The following NBPF8 variants were observed in gnomAD, a reference collection of about 807,000 sequenced individuals.
NBPF8 encodes the protein NBPF family member NBPF8.
intron 17 of NBPF8, among the ~76,000 whole-genome samples, chr1:120,459,792 G>C (rs1317240362): frequency 1.3e-5 from 2 of 152,200 alleles, no homozygotes; most frequent in Non-Finnish European, 2.9e-5. Context: ...ACTCAAGGCA[G>C]GTGTGGCAAA....
At chr1:120,428,841 C>G (rs1317910353) in intron 3 of NBPF8, among the ~76,000 whole-genome samples, 4 of 151,574 alleles carry the variant, frequency 2.6e-5, no homozygotes, top group Admixed American at 2.6e-4. Context: ...ATAAACTAAC[C>G]CTTTATAATA....
At chr1:120,455,942 G>A (rs1426379442) in intron 16 of NBPF8, among the ~76,000 whole-genome samples, 4,559 of 152,148 alleles carry the variant, frequency 0.03, 247 homozygotes, top group African/African-American at 0.1. Flanking sequence ...TGCTTTAAAT[G>A]TGTCCCAGAG....
upstream of NBPF8, among the ~76,000 whole-genome samples, chr1:120,419,501 C>T (rs1207262396): frequency 1.3e-5 from 2 of 151,596 alleles, no homozygotes; most frequent in African/African-American, 4.8e-5. Flanking sequence ...TTTTTTTTTC[C>T]CCCAGGCTGG....
intron 23 of NBPF8, 46 bp downstream of exon 21, chr1:120,464,594 A>G: frequency 3.8e-6 from 3 of 790,886 alleles, no homozygotes; most frequent in Non-Finnish European, 6.9e-6. Flanking sequence ...TGAGTCTTCC[A>G]TATAAAGATC....
At chr1:120,415,905 C>A (rs1660425381), upstream of NBPF8, among the ~76,000 whole-genome samples, 1 of 152,194 alleles carries the variant, frequency 6.6e-6, no homozygotes, top group African/African-American at 2.4e-5. Context: ...CTTGTTAGAT[C>A]TTCTCATTTG....
At chr1:120,421,398 A>C (rs1408011314) in intron 1 of NBPF8, among the ~76,000 whole-genome samples, 32 of 124,192 alleles carry the variant, frequency 2.6e-4, no homozygotes, top group African/African-American at 6.0e-4. Flanking sequence ...CTTCTCTCCC[A>C]CTCTTTTTCT....
intron 22 of NBPF8, among the ~76,000 whole-genome samples, chr1:120,464,123 CTCTCTCTCTCTGTGTGTGTG>C (rs1661666672): frequency 2.5e-5 from 1 of 40,296 alleles, no homozygotes; most frequent in African/African-American, 2.6e-4. Flanking sequence ...CGTTCTCTCT[CTCTCTCTCTCTGTGTGTGTG>C]TGTGTGTGTG....
intron 18 of NBPF8, among the ~76,000 whole-genome samples, chr1:120,460,987 T>C (rs1661570187): frequency 6.6e-6 from 1 of 151,344 alleles, no homozygotes; most frequent in African/African-American, 2.4e-5. Flanking sequence ...CTCATCAGTG[T>C]GTCACCTGAC....
chr1:120,425,176 G>A (rs1410895945), intron 1 of NBPF8, among the ~76,000 whole-genome samples: 1 of 152,100 alleles, frequency 6.6e-6, no homozygotes, highest in African/African-American at 2.4e-5. Context: ...CCCGTAAAGG[G>A]TCTGTGCTGA....
intron 15 of NBPF8, among the ~76,000 whole-genome samples, chr1:120,454,927 G>T (rs1661395431): frequency 6.8e-6 from 1 of 146,416 alleles, no homozygotes; most frequent in Non-Finnish European, 1.5e-5. Context: ...GTTGGCCAGG[G>T]TAGTCCTGAA....
At chr1:120,450,537 G>T (rs1402972153) in intron 11 of NBPF8, among the ~76,000 whole-genome samples, 1 of 152,144 alleles carries the variant, frequency 6.6e-6, no homozygotes, top group Non-Finnish European at 1.5e-5. Context: ...CAGTCTCCTA[G>T]AACATTTATT....
At chr1:120,455,893 C>T (rs1313467751) in intron 16 of NBPF8, among the ~76,000 whole-genome samples, 10 of 152,116 alleles carry the variant, frequency 6.6e-5, no homozygotes, top group Non-Finnish European at 1.3e-4. Context: ...TCTGCTTTCT[C>T]TTGTGGGCAT....
intron 1 of NBPF8, among the ~76,000 whole-genome samples, chr1:120,420,409 C>T (rs1445348420): frequency 1.5e-5 from 2 of 136,866 alleles, no homozygotes; most frequent in East Asian, 3.9e-4. Flanking sequence ...CCTTGCTCTT[C>T]CCCTCTTACC....
At chr1:120,430,799 G>T (rs1355940418) in intron 3 of NBPF8, among the ~76,000 whole-genome samples, 2 of 139,902 alleles carry the variant, frequency 1.4e-5, no homozygotes, top group Non-Finnish European at 3.1e-5. Context: ...ATTTATGTAA[G>T]GCCAGTACAC....
At chr1:120,454,325 G>A (rs1272962899) in intron 15 of NBPF8, among the ~76,000 whole-genome samples, 3 of 152,110 alleles carry the variant, frequency 2.0e-5, no homozygotes, top group Non-Finnish European at 2.9e-5. Context: ...AGGCAAGTGT[G>A]ACAATCTCAT....
exon 25 of NBPF8, chr1:120,466,068 A>G (rs1404714520): frequency 6.2e-7 from 1 of 1,611,840 alleles, no homozygotes; most frequent in Non-Finnish European, 8.5e-7. Context: ...TGTACTGTGA[A>G]CTACGTGACT....
chr1:120,462,896 A>G, exon 21 of NBPF8: 1 of 442,476 alleles, frequency 2.3e-6, no homozygotes, highest in Non-Finnish European at 3.8e-6. Flanking sequence ...TGCCTGACTT[A>G]GGCCAGCCCT....
At chr1:120,460,453 A>G (rs1449767758) in intron 17 of NBPF8, 120 bp from the exon 16 acceptor site, 125 of 782,752 alleles carry the variant, frequency 1.6e-4, no homozygotes, top group Non-Finnish European at 3.9e-5. Flanking sequence ...TTTCTCTCAA[A>G]GTCTCCTGTT....
chr1:120,450,070 T>A (rs1354200377), intron 11 of NBPF8, among the ~76,000 whole-genome samples: 2 of 151,812 alleles, frequency 1.3e-5, no homozygotes, highest in African/African-American at 2.4e-5. Context: ...TCACTAAAAA[T>A]ACAAAAAGTA....
Sources: allele counts gnomAD v4.1 joint callset (sites outside exome capture counted in the v4.1 genomes callset), GRCh38; gene constraint gnomAD v4.1.1; transcripts MANE v1.5; gene names NCBI Gene and HGNC (gene_info 2026-07-23, HGNC 2026-07-21).